PDXDC1: variants seen among roughly 807,000 people sequenced by gnomAD.
The protein encoded by PDXDC1 is pyridoxal-dependent decarboxylase domain-containing protein 1.
Under a neutral mutation model 100.1 loss-of-function variants are expected in PDXDC1, and 42 were observed. The observed-to-expected ratio is 0.42, with a 90% CI of 0.33 to 0.54. The LOEUF (loss-of-function observed/expected upper bound fraction) is 0.54, where lower values mean the gene tolerates loss of function less well. PDXDC1 is among the 20% of genes least tolerant of loss of function. The pLI, the probability that PDXDC1 is intolerant of heterozygous loss-of-function variation, is 0.10. For synonymous variants in PDXDC1, 260 were observed against 371.7 expected (o/e 0.70, Z 3.46); for missense variants, 636 against 979.2 (o/e 0.65, Z 4.68).
At chr16:14,995,565 G>A (rs1160595882) in intron 1 of PDXDC1, among the ~76,000 whole-genome samples, 1 of 152,260 alleles carries the variant, frequency 6.6e-6, no homozygotes, top group Non-Finnish European at 1.5e-5. Context: ...GAGGATTTTT[G>A]CATCGATGTT....
intron 4 of PDXDC1, among the ~76,000 whole-genome samples, chr16:15,002,976 C>G (rs1201416390): frequency 6.6e-6 from 1 of 152,268 alleles, no homozygotes; most frequent in Non-Finnish European, 1.5e-5. Context: ...TAGGAACTGT[C>G]TGTTGCCCAT....
chr16:15,019,281 G>A (rs549950197), intron 12 of PDXDC1, among the ~76,000 whole-genome samples: 6 of 152,380 alleles, frequency 3.9e-5, no homozygotes, highest in Non-Finnish European at 5.9e-5. Context: ...GGTGGGGAGC[G>A]AGTGTTCCCC....
At chr16:15,025,379 T>A (rs550179311) in intron 13 of PDXDC1, 3 of 152,600 alleles carry the variant, frequency 2.0e-5, no homozygotes, top group Admixed American at 2.0e-4. Context: ...CCTCCTTGCT[T>A]ATTGGGCGTG....
chr16:15,110,830 T>A (rs2047016911), intron 16 of PDXDC1: 1 of 1,560,668 alleles, frequency 6.4e-7, no homozygotes, highest in Non-Finnish European at 8.7e-7. Flanking sequence ...ACCTAGGAAA[T>A]AATAATATAA....
At chr16:15,084,627 G>A (rs199766272) in intron 16 of PDXDC1, 1 of 1,557,028 alleles carries the variant, frequency 6.4e-7, no homozygotes. Context: ...TCAAAATAAG[G>A]AAAAGTATAC....
intron 16 of PDXDC1, chr16:15,104,616 C>G: frequency 6.3e-7 from 1 of 1,598,862 alleles, no homozygotes; most frequent in Non-Finnish European, 8.5e-7. Flanking sequence ...TGTCTTGAGG[C>G]TCAGGGAGTT....
chr16:15,017,096 T>A (rs2041849290), intron 9 of PDXDC1, 24 bp from the exon 10 acceptor site: 1 of 1,613,698 alleles, frequency 6.2e-7, no homozygotes, highest in South Asian at 1.1e-5. Flanking sequence ...TAATTAGTTC[T>A]TGGACTGGTG....
chr16:15,015,244 C>T (rs2041699615), intron 8 of PDXDC1, among the ~76,000 whole-genome samples: 1 of 152,242 alleles, frequency 6.6e-6, no homozygotes, highest in African/African-American at 2.4e-5. Flanking sequence ...CCCAGCCCAC[C>T]TATATGATTT....
intron 16 of PDXDC1, chr16:15,094,645 C>G: frequency 3.9e-6 from 1 of 257,160 alleles, no homozygotes; most frequent in Non-Finnish European, 7.6e-6. Context: ...AAAGGGGATT[C>G]GAACCCGGCT....
intron 16 of PDXDC1, chr16:15,094,517 C>G (rs1043824517): frequency 1.9e-6 from 1 of 521,602 alleles, no homozygotes; most frequent in Non-Finnish European, 3.4e-6. Flanking sequence ...TGGAAACACC[C>G]TGGATGTGCT....
intron 3 of PDXDC1, among the ~76,000 whole-genome samples, chr16:14,998,741 C>T (rs1402211792): frequency 1.3e-5 from 2 of 152,302 alleles, no homozygotes; most frequent in Non-Finnish European, 2.9e-5. Context: ...AGGTGTGAGC[C>T]ACTGTGCCCG....
chr16:15,032,130 G>A, intron 17 of PDXDC1: 1 of 567,404 alleles, frequency 1.8e-6, no homozygotes, highest in South Asian at 2.3e-5. Flanking sequence ...TCTGTCTGTA[G>A]GTGCCGACTC....
In PDXDC1 at chr16:15,104,466, GA is replaced by G; in HGVS notation, c.1400-34412del. ...GCTGAGGGTGGAAGGGGAGTGAGCA[GA>G]CACACTCGGGAGGTGTCTTGAGATT... On this transcript the variant is annotated intron_variant, in intron 16 of 16. Coordinates refer to the PDXDC1 transcript ENST00000535621. 8 of 695,546 alleles carry G rather than the reference GA, an allele frequency of 1.2e-5. 3 individuals are homozygous for G. Among genetic ancestry groups the G allele is most frequent in the East Asian group, 4.0e-5 (1 of 24,704 alleles). 43.1% of individuals were successfully genotyped at this position (695,546 alleles called of 1,614,324 possible). A position where few individuals can be genotyped will look rare whatever the true frequency, so the allele number is the denominator to read the frequency against.
intron 16 of PDXDC1, chr16:15,060,157 G>A (rs1033304947): frequency 3.3e-5 from 14 of 418,580 alleles, no homozygotes; most frequent in Non-Finnish European, 6.1e-5. Context: ...ATATGTAAAT[G>A]TCTTTCTACA....
chr16:15,122,453 G>C (rs559855989), intron 16 of PDXDC1, among the ~76,000 whole-genome samples: 394 of 142,936 alleles, frequency 2.8e-3, no homozygotes, highest in African/African-American at 0.01. Flanking sequence ...GGACTCAAGT[G>C]ATCTGCCCAC....
At chr16:15,130,777 C>G (rs763988361) in intron 16 of PDXDC1, 1 of 1,147,030 alleles carries the variant, frequency 8.7e-7, no homozygotes, top group South Asian at 1.2e-5. Flanking sequence ...TCGGGTTCCT[C>G]AGACAGGTAG....
chr16:15,048,015 C>T, intron 16 of PDXDC1: 1 of 1,612,904 alleles, frequency 6.2e-7, no homozygotes, highest in Non-Finnish European at 8.5e-7. Flanking sequence ...GGGGAGGTCA[C>T]TGCAAGCTCT....
chr16:15,096,029 G>A (rs1362786388), intron 16 of PDXDC1, among the ~76,000 whole-genome samples: 1 of 152,044 alleles, frequency 6.6e-6, no homozygotes, highest in Admixed American at 6.6e-5. Context: ...AGTGAGCTGT[G>A]ATTGTACCCC....
chr16:15,066,735 A>C (rs2044993386), intron 16 of PDXDC1, among the ~76,000 whole-genome samples: 1 of 151,540 alleles, frequency 6.6e-6, no homozygotes, highest in East Asian at 1.9e-4. Flanking sequence ...AATCAAAATA[A>C]AGCTTTGTGT....
Sources: allele counts gnomAD v4.1 joint callset (sites outside exome capture counted in the v4.1 genomes callset), GRCh38; gene constraint gnomAD v4.1.1; transcripts MANE v1.5; gene names NCBI Gene and HGNC (gene_info 2026-07-23, HGNC 2026-07-21).